COL5A2: variants seen among roughly 807,000 people sequenced by gnomAD.
COL5A2 encodes collagen alpha-2(V) chain.
In COL5A2, 23 loss-of-function variants were observed where a neutral mutation model predicts 208.2. The observed-to-expected ratio is 0.11, with a 90% confidence interval of 0.08 to 0.16. The LOEUF is 0.16. Ranked by LOEUF, COL5A2 falls within the 10% of genes least tolerant of loss-of-function variation. The pLI, the probability that COL5A2 is intolerant of heterozygous loss-of-function variation, is 1.00. For synonymous variants in COL5A2, 625 were observed against 628.5 expected, an observed-to-expected ratio of 0.99 and a Z score of 0.08; for missense variants, 1,590 against 1,956.4, an observed-to-expected ratio of 0.81 and a Z score of 3.53.
At chr2:189,249,630 A>G in the COL5A2 span, among the ~76,000 whole-genome samples, 1 of 152,208 alleles carries the variant, frequency 6.6e-6, no homozygotes. Context: ...AATTCAAATA[A>G]CACAGACACC....
rs148732952 is a variant in COL5A2 at position 189,176,531 on chromosome 2, T to C, written c.97+2977A>G. On this transcript the variant is annotated intron_variant, in intron 1 of 53. Coordinates refer to ENST00000374866, the MANE Select transcript of COL5A2 (RefSeq NM_000393.5). ...TGAATACAATGATTCATAACAAAGA[T>C]TATTTTCTAAAATTAAGCATGCCTA... 7.0e-4 allele frequency among the ~76,000 whole-genome samples: 107 copies of C among 152,298 alleles called. 1 individual carries two copies. The highest frequency in any genetic ancestry group is 2.4e-3 in the African/African-American group (99 of 41,564).
intron 1 of COL5A2, among the ~76,000 whole-genome samples, chr2:189,177,400 T>C (rs538303273): frequency 6.6e-6 from 1 of 152,316 alleles, no homozygotes; most frequent in Admixed American, 6.5e-5. Flanking sequence ...ATCCATACAA[T>C]ATCAACTTAA....
the COL5A2 span, among the ~76,000 whole-genome samples, chr2:189,402,604 T>G: frequency 6.6e-6 from 1 of 152,228 alleles, no homozygotes; most frequent in Admixed American, 6.5e-5. Flanking sequence ...AGTTTCAATT[T>G]TTTCATATGG....
chr2:189,242,307 G>A, the COL5A2 span, among the ~76,000 whole-genome samples: 725 of 152,148 alleles, frequency 4.8e-3, 9 homozygotes, highest in African/African-American at 0.016. Context: ...ACACATGGCC[G>A]TTAATATTTG....
At chr2:189,057,103 GA>G in intron 34 of COL5A2, 77 bp from the exon 35 acceptor site, 1 of 1,471,562 alleles carries the variant, frequency 6.8e-7, no homozygotes. Context: ...TCATGAGAGT[GA>G]AGGCTAATTG....
At chr2:189,320,679 T>C in the COL5A2 span, among the ~76,000 whole-genome samples, 2 of 152,296 alleles carry the variant, frequency 1.3e-5, no homozygotes, top group South Asian at 4.1e-4. Flanking sequence ...AAAGACCAAA[T>C]CTACGTCTGA....
At chr2:189,400,890 G>A in the COL5A2 span, among the ~76,000 whole-genome samples, 1 of 152,130 alleles carries the variant, frequency 6.6e-6, no homozygotes, top group Non-Finnish European at 1.5e-5. Flanking sequence ...CTTAAAAATC[G>A]TATCCTTATA....
intron 23 of COL5A2, 83 bp from the exon 24 acceptor site, chr2:189,065,140 C>T: frequency 7.6e-7 from 1 of 1,314,112 alleles, no homozygotes; most frequent in Non-Finnish European, 1.1e-6. Flanking sequence ...ATTTTTAGCA[C>T]TATAAAGTTT....
chr2:189,283,936 G>A, the COL5A2 span, among the ~76,000 whole-genome samples: 2 of 152,046 alleles, frequency 1.3e-5, no homozygotes, highest in African/African-American at 4.8e-5. Flanking sequence ...CATTAATCTG[G>A]AAATATGTAC....
chr2:189,366,609 G>A, the COL5A2 span, among the ~76,000 whole-genome samples: 1 of 152,208 alleles, frequency 6.6e-6, no homozygotes, highest in Admixed American at 6.5e-5. Context: ...CCGCAGGTGC[G>A]TGCATGTGTG....
chr2:189,218,491 A>G (rs1689306651), intron 1 of COL5A2, among the ~76,000 whole-genome samples: 2 of 152,208 alleles, frequency 1.3e-5, no homozygotes, highest in Middle Eastern at 3.2e-3. Context: ...CAGATGGAGC[A>G]TGGCCCTGCC....
intron 1 of COL5A2, among the ~76,000 whole-genome samples, chr2:189,199,474 C>T (rs531719062): frequency 7.2e-5 from 11 of 152,218 alleles, no homozygotes; most frequent in African/African-American, 2.6e-4. Context: ...TTTGAAAGCT[C>T]TTAACTAGGC....
chr2:189,276,024 G>T, the COL5A2 span, among the ~76,000 whole-genome samples: 1 of 152,114 alleles, frequency 6.6e-6, no homozygotes, highest in African/African-American at 2.4e-5. Flanking sequence ...TTTGCATGAG[G>T]TTTAACATTA....
chr2:189,263,650 A>C, the COL5A2 span, among the ~76,000 whole-genome samples: 11 of 152,168 alleles, frequency 7.2e-5, no homozygotes, highest in Non-Finnish European at 1.5e-4. Context: ...TTTATGGTAC[A>C]TGCCCAATAC....
At chr2:189,402,446 C>T in the COL5A2 span, among the ~76,000 whole-genome samples, 1 of 152,200 alleles carries the variant, frequency 6.6e-6, no homozygotes, top group African/African-American at 2.4e-5. Context: ...GTCTCGATCT[C>T]CTGACCTTGT....
Position 189,064,628 on chromosome 2 carries a change from C to G in COL5A2, c.1645G>C (p.Gly549Arg), listed in dbSNP as rs778171609. ...KGAQGERGPV[G>R]SSGPKGSQGD... The stretch of plus-strand genomic sequence containing the variant: ...TGGCTTCCTTTGGGTCCTGAAGAAC[C>G]TACAGGACCCCGTTCTCCTTGAGCA... Residue 549 changes from glycine (G) to arginine (R), a missense_variant, in exon 25 of 54, where the codon GGT becomes CGT. Transcript: ENST00000374866. 9.3e-6 allele frequency: 15 copies of G among 1,613,908 alleles called. No homozygotes were observed. The highest frequency in any genetic ancestry group is 1.3e-5 in the Non-Finnish European group (15 of 1,179,952).
At chr2:189,333,944 A>G in the COL5A2 span, among the ~76,000 whole-genome samples, 2 of 151,870 alleles carry the variant, frequency 1.3e-5, no homozygotes, top group Non-Finnish European at 2.9e-5. Flanking sequence ...AAAAAAAAAG[A>G]TATAATGCAG....
At chr2:189,373,530 C>T in the COL5A2 span, among the ~76,000 whole-genome samples, 1 of 152,162 alleles carries the variant, frequency 6.6e-6, no homozygotes, top group Non-Finnish European at 1.5e-5. Context: ...AATAAGCATG[C>T]ACTCTTCCAC....
chr2:189,148,295 C>A (rs1490408028), intron 1 of COL5A2, among the ~76,000 whole-genome samples: 2 of 152,104 alleles, frequency 1.3e-5, no homozygotes, highest in Non-Finnish European at 2.9e-5. Context: ...TAGTATCTGA[C>A]ACTTAAAGTC....
Sources: allele counts gnomAD v4.1 joint callset (sites outside exome capture counted in the v4.1 genomes callset), GRCh38; gene constraint gnomAD v4.1.1; transcripts MANE v1.5; gene names NCBI Gene and HGNC (gene_info 2026-07-23, HGNC 2026-07-21).